HEMK2: variants seen among roughly 807,000 people sequenced by gnomAD.
The protein encoded by HEMK2 is methyltransferase HEMK2.
the HEMK2 span, among the ~76,000 whole-genome samples, chr21:28,778,257 T>A: frequency 6.6e-6 from 1 of 152,360 alleles, no homozygotes; most frequent in East Asian, 1.9e-4. Flanking sequence ...TCAGCCTAAT[T>A]CCCTGGAGAT....
At chr21:28,637,208 G>T in the HEMK2 span, among the ~76,000 whole-genome samples, 4 of 152,194 alleles carry the variant, frequency 2.6e-5, no homozygotes, top group African/African-American at 9.7e-5. Flanking sequence ...GAAAGGGTAT[G>T]TGTGTTATGT....
the HEMK2 span, among the ~76,000 whole-genome samples, chr21:28,861,435 T>G: frequency 1.3e-5 from 2 of 152,230 alleles, no homozygotes; most frequent in Non-Finnish European, 2.9e-5. Flanking sequence ...CTAGGTCAAA[T>G]GGACAAAAGA....
chr21:28,711,314 C>T, the HEMK2 span, among the ~76,000 whole-genome samples: 2 of 152,082 alleles, frequency 1.3e-5, no homozygotes, highest in Admixed American at 6.6e-5. Flanking sequence ...ATTGCAGACA[C>T]CATTAGTGCC....
chr21:28,657,440 T>C, the HEMK2 span, among the ~76,000 whole-genome samples: 1 of 152,080 alleles, frequency 6.6e-6, no homozygotes, highest in Non-Finnish European at 1.5e-5. Context: ...TCTACAAAGA[T>C]CTAACCCATG....
chr21:28,673,339 A>T, the HEMK2 span, among the ~76,000 whole-genome samples: 1 of 152,194 alleles, frequency 6.6e-6, no homozygotes, highest in Non-Finnish European at 1.5e-5. Flanking sequence ...GAAAATTTAG[A>T]AGTATTTAAA....
At chr21:28,831,394 A>C in the HEMK2 span, among the ~76,000 whole-genome samples, 1 of 149,470 alleles carries the variant, frequency 6.7e-6, no homozygotes, top group Non-Finnish European at 1.5e-5. Flanking sequence ...GCAGGGAGCC[A>C]AGAACATGCC....
chr21:28,742,127 T>C, the HEMK2 span, among the ~76,000 whole-genome samples: 1 of 152,188 alleles, frequency 6.6e-6, no homozygotes, highest in Non-Finnish European at 1.5e-5. Context: ...GTATTGTCTA[T>C]GGCTGCTTTC....
At chr21:28,579,508 C>A in the HEMK2 span, among the ~76,000 whole-genome samples, 7 of 151,960 alleles carry the variant, frequency 4.6e-5, no homozygotes, top group South Asian at 1.5e-3. Context: ...TTTAAATAAA[C>A]CATGATTTAA....
chr21:28,663,953 A>G, the HEMK2 span, among the ~76,000 whole-genome samples: 4 of 152,200 alleles, frequency 2.6e-5, no homozygotes, highest in African/African-American at 4.8e-5. Flanking sequence ...AAATAGACTA[A>G]CACCGATGTA....
the HEMK2 span, among the ~76,000 whole-genome samples, chr21:28,650,310 G>T: frequency 6.6e-6 from 1 of 152,000 alleles, no homozygotes; most frequent in East Asian, 1.9e-4. Flanking sequence ...CAGGAGAATC[G>T]TTTGAACCAG....
At chr21:28,882,735 C>T in the HEMK2 span, among the ~76,000 whole-genome samples, 1 of 152,134 alleles carries the variant, frequency 6.6e-6, no homozygotes, top group Non-Finnish European at 1.5e-5. Flanking sequence ...CTTTAAATGT[C>T]TTATGATATC....
the HEMK2 span, among the ~76,000 whole-genome samples, chr21:28,787,750 A>G: frequency 6.6e-6 from 1 of 152,320 alleles, no homozygotes; most frequent in African/African-American, 2.4e-5. Context: ...ACACTTCTAC[A>G]CTGCTGGTGG....
chr21:28,868,627 T>C, the HEMK2 span, among the ~76,000 whole-genome samples: 1 of 152,166 alleles, frequency 6.6e-6, no homozygotes, highest in African/African-American at 2.4e-5. Flanking sequence ...GAGGTTGCCG[T>C]GAGCCAAGTT....
At chr21:28,684,471 C>T in the HEMK2 span, among the ~76,000 whole-genome samples, 4 of 152,236 alleles carry the variant, frequency 2.6e-5, no homozygotes, top group South Asian at 8.3e-4. Context: ...TCTGTCATTA[C>T]GGTTTGGGAA....
chr21:28,663,916 T>C, the HEMK2 span, among the ~76,000 whole-genome samples: 3 of 152,206 alleles, frequency 2.0e-5, no homozygotes, highest in Non-Finnish European at 4.4e-5. Context: ...GGACATGTAG[T>C]TGAATATGCA....
chr21:28,801,650 C>T, the HEMK2 span, among the ~76,000 whole-genome samples: 1 of 151,890 alleles, frequency 6.6e-6, no homozygotes, highest in Admixed American at 6.6e-5. Flanking sequence ...CAAGAAAAGA[C>T]CAACACAATA....
chr21:28,707,678 C>G, the HEMK2 span, among the ~76,000 whole-genome samples: 5 of 151,914 alleles, frequency 3.3e-5, no homozygotes, highest in Non-Finnish European at 7.4e-5. Flanking sequence ...AATAAACTAT[C>G]CTACTATATA....
the HEMK2 span, among the ~76,000 whole-genome samples, chr21:28,708,260 T>C: frequency 1.2e-4 from 19 of 152,156 alleles, no homozygotes; most frequent in African/African-American, 4.3e-4. Flanking sequence ...GAAACTTACA[T>C]GTGGAAACTT....
chr21:28,603,854 G>A, the HEMK2 span, among the ~76,000 whole-genome samples: 6 of 152,130 alleles, frequency 3.9e-5, no homozygotes, highest in African/African-American at 1.4e-4. Context: ...GTCTTCAATT[G>A]TCTTTATGAC....
Sources: allele counts gnomAD v4.1 joint callset (sites outside exome capture counted in the v4.1 genomes callset), GRCh38; gene constraint gnomAD v4.1.1; transcripts MANE v1.5; gene names NCBI Gene and HGNC (gene_info 2026-07-23, HGNC 2026-07-21).